The following MAP3K7CL variants were observed in gnomAD, a reference collection of about 807,000 sequenced individuals.
The protein encoded by MAP3K7CL is MAP3K7 C-terminal like.
A neutral mutation model predicts 18.6 loss-of-function variants in MAP3K7CL; 16 were observed. The observed-to-expected ratio is 0.86, with a 90% confidence interval of 0.58 to 1.31. The LOEUF (loss-of-function observed/expected upper bound fraction) is 1.31, where lower values mean the gene tolerates loss of function less well. Among genes scored for constraint, MAP3K7CL ranks in the 50% most tolerant of loss-of-function variants. The pLI, the probability that MAP3K7CL is intolerant of heterozygous loss-of-function variation, is 0.00. For missense variants in MAP3K7CL, 163 were observed against 174.4 expected (o/e 0.93, Z 0.37); for synonymous variants, 65 against 66.8 (o/e 0.97, Z 0.13).
intron 2 of MAP3K7CL, among the ~76,000 whole-genome samples, chr21:29,137,736 C>T (rs1338840519): frequency 6.6e-6 from 1 of 152,036 alleles, no homozygotes. Flanking sequence ...TTGAGTCAGC[C>T]ATTGTTTTGG....
At chr21:29,157,965 A>G (rs1457942092) in intron 3 of MAP3K7CL, among the ~76,000 whole-genome samples, 1 of 152,192 alleles carries the variant, frequency 6.6e-6, no homozygotes, top group African/African-American at 2.4e-5. Context: ...TCGCTGCCAC[A>G]TAGTTAACTG....
At chr21:29,167,180 T>C (rs2087709222) in intron 4 of MAP3K7CL, among the ~76,000 whole-genome samples, 1 of 152,254 alleles carries the variant, frequency 6.6e-6, no homozygotes, top group South Asian at 2.1e-4. Context: ...CTGTGCTTCA[T>C]TGGCCATTTC....
intron 4 of MAP3K7CL, among the ~76,000 whole-genome samples, chr21:29,122,541 G>A (rs2086612284): frequency 1.3e-5 from 2 of 152,282 alleles, no homozygotes; most frequent in South Asian, 2.1e-4. Flanking sequence ...GGGATGGAGC[G>A]GGAACGTGGT....
chr21:29,100,231 T>G (rs979654408), intron 4 of MAP3K7CL, among the ~76,000 whole-genome samples: 1 of 152,212 alleles, frequency 6.6e-6, no homozygotes, highest in African/African-American at 2.4e-5. Context: ...ATGGCTGCCT[T>G]TCTTCATCTC....
At chr21:29,171,610 C>T (rs1309126458) in intron 4 of MAP3K7CL, among the ~76,000 whole-genome samples, 2 of 151,914 alleles carry the variant, frequency 1.3e-5, no homozygotes, top group African/African-American at 4.8e-5. Flanking sequence ...GAGGTCAGGA[C>T]CAGCTTAGTC....
At chr21:29,101,464 C>T (rs2086228513) in intron 4 of MAP3K7CL, among the ~76,000 whole-genome samples, 1 of 152,192 alleles carries the variant, frequency 6.6e-6, no homozygotes. Flanking sequence ...GGCTGGTGTG[C>T]AGTGGCGCCA....
At chr21:29,090,562 G>A (rs2086007761) in intron 1 of MAP3K7CL, among the ~76,000 whole-genome samples, 1 of 152,034 alleles carries the variant, frequency 6.6e-6, no homozygotes, top group Admixed American at 6.6e-5. Flanking sequence ...TGTATTTTTA[G>A]TAGAGACAGG....
At chr21:29,093,728 C>T (rs1337114496) in intron 4 of MAP3K7CL, among the ~76,000 whole-genome samples, 3 of 151,552 alleles carry the variant, frequency 2.0e-5, no homozygotes, top group South Asian at 2.1e-4. Context: ...CCTGACCTTG[C>T]GATCCACCCG....
chr21:29,168,398 C>T (rs1471338148), intron 4 of MAP3K7CL, among the ~76,000 whole-genome samples: 2 of 152,200 alleles, frequency 1.3e-5, no homozygotes, highest in Non-Finnish European at 2.9e-5. Context: ...TCAATAAATA[C>T]TTGCTGAGCA....
intron 4 of MAP3K7CL, among the ~76,000 whole-genome samples, chr21:29,100,373 T>C (rs1314414189): frequency 1.3e-5 from 2 of 152,232 alleles, no homozygotes; most frequent in Non-Finnish European, 2.9e-5. Flanking sequence ...AGATGAATAC[T>C]TTGTTTCAGT....
At position 29,124,696 on chromosome 21, in the gene MAP3K7CL, A is replaced by G. The variant is rs2086654757; in HGVS notation, c.371-24493A>G. Among the ~76,000 whole-genome samples the G allele has an allele frequency of 2.0e-5, 3 of 152,336 alleles. No homozygotes were observed. The Middle Eastern group carries it at 0.01, about 518-fold the overall frequency. On this transcript the variant is annotated intron_variant, in intron 4 of 6. Coordinates refer to the MAP3K7CL transcript ENST00000286791. Reference sequence around the variant, plus strand: ...AAGAATGGTTTTAATATTTTAAAATATTTGACAAATATCAAAAGGAGAATA... The same window carrying G: ...AAGAATGGTTTTAATATTTTAAAATGTTTGACAAATATCAAAAGGAGAATA...
At position 29,098,768 on chromosome 21, in the gene MAP3K7CL, G is replaced by A. The variant is rs563420597; in HGVS notation, c.370+6187G>A. On this transcript the variant is annotated intron_variant, in intron 4 of 6. Transcript: ENST00000286791. ...CCTAAGCTTTCTACTAGACTACCTCGCCAAACATTATTAAGCACTGAAGGA... is the reference window on the plus strand; with the variant it reads ...CCTAAGCTTTCTACTAGACTACCTCACCAAACATTATTAAGCACTGAAGGA... Among the ~76,000 whole-genome samples the A allele has an allele frequency of 1.1e-4, 17 of 149,016 alleles. No individual in the cohort carries two copies. In the East Asian group the frequency reaches 3.0e-3, roughly 26 times the overall value.
intron 1 of MAP3K7CL, among the ~76,000 whole-genome samples, chr21:29,078,002 C>A (rs932216205): frequency 2.7e-4 from 41 of 152,208 alleles, no homozygotes; most frequent in African/African-American, 9.6e-4. Flanking sequence ...TACTTTGTTT[C>A]TGTTTTTTTC....
chr21:29,148,433 G>A lies in MAP3K7CL; in HGVS notation c.71-756G>A, dbSNP rs959156281. Among the ~76,000 whole-genome samples the A allele has an allele frequency of 4.6e-5, 7 of 152,110 alleles. No homozygotes were observed. In the East Asian group the frequency reaches 1.2e-3, roughly 25 times the overall value. ...CTATGTTCTTGAAGAGATTGGGGGTGACTTGGATATTTTGACCCATATTTT... is the reference window on the plus strand; with the variant it reads ...CTATGTTCTTGAAGAGATTGGGGGTAACTTGGATATTTTGACCCATATTTT... On this transcript the variant is annotated intron_variant, in intron 2 of 4. Transcript: ENST00000399928.
intron 4 of MAP3K7CL, among the ~76,000 whole-genome samples, chr21:29,118,351 TC>T (rs1438779507): frequency 9.3e-6 from 1 of 107,684 alleles, no homozygotes; most frequent in Non-Finnish European, 2.0e-5. Flanking sequence ...TCCCAAAGTG[TC>T]TTAACTTTTC....
At chr21:29,155,175 G>A (rs1425430632) in intron 3 of MAP3K7CL, among the ~76,000 whole-genome samples, 1 of 152,088 alleles carries the variant, frequency 6.6e-6, no homozygotes, top group East Asian at 1.9e-4. Context: ...TTTCCTCTCA[G>A]TTTTAACAAA....
At chr21:29,088,089 C>T (rs955623291) in intron 1 of MAP3K7CL, among the ~76,000 whole-genome samples, 28 of 152,176 alleles carry the variant, frequency 1.8e-4, no homozygotes, top group African/African-American at 5.1e-4. Context: ...GACCATATTT[C>T]TCAAAAGCTC....
intron 4 of MAP3K7CL, among the ~76,000 whole-genome samples, chr21:29,168,732 C>T (rs1257243248): frequency 1.3e-5 from 2 of 152,088 alleles, no homozygotes; most frequent in Non-Finnish European, 2.9e-5. Flanking sequence ...TTATTTATAT[C>T]CTACTGCTCA....
chr21:29,138,548 A>G (rs925801361), intron 2 of MAP3K7CL, among the ~76,000 whole-genome samples: 3 of 152,326 alleles, frequency 2.0e-5, no homozygotes, highest in African/African-American at 7.2e-5. Context: ...AAAAACTGGC[A>G]TGCTCCTTGT....
Sources: allele counts gnomAD v4.1 joint callset (sites outside exome capture counted in the v4.1 genomes callset), GRCh38; gene constraint gnomAD v4.1.1; transcripts MANE v1.5; gene names NCBI Gene and HGNC (gene_info 2026-07-23, HGNC 2026-07-21).